Variants in NBAS observed in about 807,000 individuals in gnomAD.
The protein encoded by NBAS is NAG/BC035112 fusion.
A neutral mutation model predicts 302.5 loss-of-function variants in NBAS; 219 were observed. That is an observed-to-expected ratio of 0.72 (90% CI 0.65 to 0.81). The LOEUF (loss-of-function observed/expected upper bound fraction) is 0.81. Ranked by LOEUF, NBAS falls within the 30% of genes least tolerant of loss-of-function variation. The pLI is 0.00. For missense variants in NBAS, 2,932 were observed against 2,841.6 expected, an observed-to-expected ratio of 1.03 and a Z score of -0.72; for synonymous variants, 1,118 against 1,021.6, an observed-to-expected ratio of 1.09 and a Z score of -1.80.
chr2:15,402,203 A>G lies in NBAS; in HGVS notation c.3036T>C (p.Tyr1012=). Residue 1012 remains tyrosine, a synonymous_variant, in exon 26 of 52, where the codon TAT becomes TAC. Transcript: ENST00000281513. Reference sequence around the variant, plus strand: ...TTTCTGGCAGACATTCTAGTAGGTCATAGCAAAGACAGAGTTGATCATTTC... The same window carrying G: ...TTTCTGGCAGACATTCTAGTAGGTCGTAGCAAAGACAGAGTTGATCATTTC... The part of the protein sequence containing the change: ...CERNDQLCLC[Y]DLLECLPERG... 2 of 1,613,674 alleles carry G rather than the reference A, an allele frequency of 1.2e-6. No homozygotes were observed. The highest frequency in any genetic ancestry group is 1.7e-4 in the Middle Eastern group (1 of 6,058).
intron 10 of NBAS, among the ~76,000 whole-genome samples, chr2:15,509,218 G>A (rs1251946653): frequency 6.6e-6 from 1 of 152,062 alleles, no homozygotes; most frequent in Non-Finnish European, 1.5e-5. Flanking sequence ...AATTTCATGG[G>A]GTGGCGGGTG....
intron 28 of NBAS, among the ~76,000 whole-genome samples, chr2:15,392,224 A>G (rs1441080453): frequency 6.6e-6 from 1 of 151,928 alleles, no homozygotes; most frequent in East Asian, 1.9e-4. Context: ...GGTTTTTAAC[A>G]TACATAAAAG....
At chr2:15,313,832 CTTCA>C (rs1553369195) in intron 38 of NBAS, among the ~76,000 whole-genome samples, 6 of 152,202 alleles carry the variant, frequency 3.9e-5, no homozygotes, top group Non-Finnish European at 5.9e-5. Flanking sequence ...CAGTTAAAGA[CTTCA>C]TTCATGAGTT....
In NBAS at chr2:15,298,639, A is replaced by G. The variant is rs867404423; in HGVS notation, c.4798-5873T>C. Among the ~76,000 whole-genome samples the G allele has an allele frequency of 2.6e-5, 4 of 152,180 alleles. No individual in the cohort carries two copies. The South Asian group carries it at 8.3e-4, about 32-fold the overall frequency. On this transcript the variant is annotated intron_variant, in intron 40 of 51. Transcript: ENST00000281513. The stretch of plus-strand genomic sequence containing the variant: ...TGGTTATGATTACTTCCGATATTCA[A>G]ATTAAATTTGAGTAAAAATTCTTCC...
the NBAS span, among the ~76,000 whole-genome samples, chr2:14,916,909 G>A: frequency 1.4e-4 from 22 of 152,314 alleles, no homozygotes; most frequent in South Asian, 4.6e-3. Flanking sequence ...GGGCCAGATT[G>A]TAACATCTTC....
At chr2:15,317,302 C>G (rs149947073) in intron 38 of NBAS, among the ~76,000 whole-genome samples, 113 of 152,274 alleles carry the variant, frequency 7.4e-4, no homozygotes, top group African/African-American at 2.7e-3. Flanking sequence ...GAAACCAGAG[C>G]AGAAAAGCTG....
At chr2:15,359,431 T>C (rs1673786528) in intron 32 of NBAS, among the ~76,000 whole-genome samples, 1 of 152,146 alleles carries the variant, frequency 6.6e-6, no homozygotes, top group Non-Finnish European at 1.5e-5. Flanking sequence ...AAACACAAAA[T>C]AAGTTTATAG....
chr2:15,531,081 T>G (rs1478256188), intron 9 of NBAS, among the ~76,000 whole-genome samples: 1 of 152,034 alleles, frequency 6.6e-6, no homozygotes, highest in Non-Finnish European at 1.5e-5. Flanking sequence ...GGTCAAATGA[T>G]CAATTAAGCA....
chr2:15,470,451 T>C (rs2148578387), intron 16 of NBAS, among the ~76,000 whole-genome samples: 1 of 152,362 alleles, frequency 6.6e-6, no homozygotes, highest in Middle Eastern at 3.4e-3. Context: ...AGAGCTCATT[T>C]ATCCATAAAA....
chr2:15,539,489 T>C lies in NBAS; in HGVS notation c.380-133A>G, dbSNP rs565034324. The C allele has an allele frequency of 2.2e-5, 24 of 1,085,138 alleles. No individual in the cohort carries two copies. In the African/African-American group the frequency reaches 3.6e-4, roughly 16 times the overall value. The allele number at this position is 1,085,138 out of a possible 1,614,324, so 67.2% of individuals were successfully genotyped here. A position where few individuals can be genotyped will look rare whatever the true frequency, so the allele number is the denominator to read the frequency against. On this transcript the variant is annotated intron_variant, in intron 6 of 51. Transcript: ENST00000281513. The stretch of plus-strand genomic sequence containing the variant: ...TCTCCTAAGGATCTCTAATAAAGCT[T>C]CCCTCAATAAAAAAGAGCAGTTTCC...
At chr2:14,895,011 A>C in the NBAS span, among the ~76,000 whole-genome samples, 1 of 152,170 alleles carries the variant, frequency 6.6e-6, no homozygotes, top group African/African-American at 2.4e-5. Context: ...AGCTGAGATC[A>C]CGTCACTGCA....
intron 37 of NBAS, 86 bp downstream of exon 37, chr2:15,328,113 T>C (rs1672158937): frequency 3.0e-6 from 4 of 1,351,896 alleles, no homozygotes; most frequent in Non-Finnish European, 3.1e-6. Flanking sequence ...CAAATAAGTA[T>C]ATTTTCAAGA....
chr2:15,074,329 A>G, the NBAS span, among the ~76,000 whole-genome samples: 2 of 150,118 alleles, frequency 1.3e-5, no homozygotes, highest in African/African-American at 4.9e-5. Flanking sequence ...ACACATGGAA[A>G]GAAGAAGGGA....
At chr2:15,443,498 T>C (rs1572860484) in intron 21 of NBAS, among the ~76,000 whole-genome samples, 1 of 151,776 alleles carries the variant, frequency 6.6e-6, no homozygotes, top group Admixed American at 6.6e-5. Context: ...TGATGGGACG[T>C]ATCTCAAAAT....
chr2:15,391,501 C>T (rs567869690), intron 28 of NBAS, among the ~76,000 whole-genome samples: 4 of 151,582 alleles, frequency 2.6e-5, no homozygotes, highest in East Asian at 3.9e-4. Flanking sequence ...ACAAAAATAC[C>T]GAAGAATATT....
At chr2:15,243,402 A>T (rs1667949481) in intron 44 of NBAS, among the ~76,000 whole-genome samples, 1 of 152,130 alleles carries the variant, frequency 6.6e-6, no homozygotes, top group Non-Finnish European at 1.5e-5. Context: ...TGGGGCTTCC[A>T]TCAGCCTGGA....
chr2:15,467,283 G>A, intron 19 of NBAS, 46 bp downstream of exon 19: 1 of 1,321,960 alleles, frequency 7.6e-7, no homozygotes, highest in Non-Finnish European at 1.1e-6. Flanking sequence ...CATTTATAAT[G>A]ACAGATCAAA....
the NBAS span, among the ~76,000 whole-genome samples, chr2:14,991,710 G>A: frequency 1.3e-5 from 2 of 152,202 alleles, no homozygotes; most frequent in African/African-American, 4.8e-5. Flanking sequence ...AGGACCATCA[G>A]CATCACCTGG....
chr2:14,885,115 C>T, the NBAS span, among the ~76,000 whole-genome samples: 2 of 152,166 alleles, frequency 1.3e-5, no homozygotes, highest in African/African-American at 4.8e-5. Context: ...ATGGAAATAA[C>T]ACATTCTGAT....
Sources: allele counts gnomAD v4.1 joint callset (sites outside exome capture counted in the v4.1 genomes callset), GRCh38; gene constraint gnomAD v4.1.1; transcripts MANE v1.5; gene names NCBI Gene and HGNC (gene_info 2026-07-23, HGNC 2026-07-21).